SPATA13: variants seen among roughly 807,000 people sequenced by gnomAD.
SPATA13 encodes spermatogenesis-associated protein 13.
SPATA13 carries 50 observed loss-of-function variants against 104.0 expected under a neutral mutation model. That is an observed-to-expected ratio of 0.48 (90% CI 0.38 to 0.61). The LOEUF is 0.61. SPATA13 is among the 20% of genes least tolerant of loss of function. The pLI, the probability that SPATA13 is intolerant of heterozygous loss-of-function variation, is 0.00. For synonymous variants in SPATA13, 606 were observed against 667.5 expected (o/e 0.91, Z 1.42); for missense variants, 1,524 against 1,690.6 (o/e 0.90, Z 1.73).
At chr13:24,128,761 T>C (rs1881303054) in intron 3 of SPATA13, among the ~76,000 whole-genome samples, 1 of 151,674 alleles carries the variant, frequency 6.6e-6, no homozygotes, top group Admixed American at 6.6e-5. Context: ...ACTGCTTACT[T>C]CCCTTAAAAA....
chr13:24,176,879 T>G (rs963379770), intron 1 of SPATA13, among the ~76,000 whole-genome samples: 2 of 152,142 alleles, frequency 1.3e-5, no homozygotes, highest in Non-Finnish European at 2.9e-5. Flanking sequence ...TTCTTGTGCC[T>G]CAGCTTTCTG....
intron 3 of SPATA13, among the ~76,000 whole-genome samples, chr13:24,102,397 A>G (rs540332279): frequency 1.1e-4 from 16 of 151,564 alleles, no homozygotes; most frequent in Non-Finnish European, 1.6e-4. Flanking sequence ...CATCAAATAC[A>G]TGGTTTGCAA....
chr13:24,070,026 A>G (rs1879101399), intron 3 of SPATA13, among the ~76,000 whole-genome samples: 1 of 152,190 alleles, frequency 6.6e-6, no homozygotes, highest in Non-Finnish European at 1.5e-5. Flanking sequence ...GATAGAGGTA[A>G]GGCTAGGCAG....
At chr13:24,289,669 A>G (rs553564822) in intron 8 of SPATA13, among the ~76,000 whole-genome samples, 1 of 152,292 alleles carries the variant, frequency 6.6e-6, no homozygotes, top group South Asian at 2.1e-4. Flanking sequence ...GTGAAGGCAG[A>G]CCCGGGCATG....
intron 3 of SPATA13, among the ~76,000 whole-genome samples, chr13:24,098,861 AG>A (rs1880167106): frequency 6.9e-6 from 1 of 144,106 alleles, no homozygotes; most frequent in South Asian, 2.4e-4. Context: ...CAGGAGGTGG[AG>A]GTTGCAGTGA....
At chr13:24,081,928 G>A (rs576483329) in intron 3 of SPATA13, among the ~76,000 whole-genome samples, 1 of 152,292 alleles carries the variant, frequency 6.6e-6, no homozygotes, top group Admixed American at 6.5e-5. Context: ...TGCTCTCTGG[G>A]AGTCTATTCC....
At chr13:23,997,325 G>A (rs912699774) in intron 2 of SPATA13, among the ~76,000 whole-genome samples, 64 of 152,228 alleles carry the variant, frequency 4.2e-4, no homozygotes, top group African/African-American at 1.5e-3. Flanking sequence ...AGTAGAACAC[G>A]CATGTCCCCT....
chr13:24,045,656 C>T (rs1222504945), intron 3 of SPATA13, among the ~76,000 whole-genome samples: 3 of 152,172 alleles, frequency 2.0e-5, no homozygotes, highest in Non-Finnish European at 4.4e-5. Flanking sequence ...TCGAGAAGTT[C>T]AACGGAAGAA....
At chr13:24,131,579 C>G (rs977199701) in intron 3 of SPATA13, among the ~76,000 whole-genome samples, 4 of 152,198 alleles carry the variant, frequency 2.6e-5, no homozygotes, top group African/African-American at 9.6e-5. Flanking sequence ...ATTTACAAGA[C>G]ATTTCAGTGG....
intron 3 of SPATA13, among the ~76,000 whole-genome samples, chr13:24,028,354 G>A (rs1330002714): frequency 6.6e-6 from 1 of 152,184 alleles, no homozygotes; most frequent in African/African-American, 2.4e-5. Context: ...TTCATGTGCA[G>A]GTGTCTATAT....
intron 4 of SPATA13, among the ~76,000 whole-genome samples, chr13:24,258,481 A>G (rs540154974): frequency 1.5e-4 from 23 of 152,152 alleles, no homozygotes; most frequent in Non-Finnish European, 2.8e-4. Flanking sequence ...AGCCTGGCCA[A>G]CATGGCAAAA....
upstream of SPATA13, among the ~76,000 whole-genome samples, chr13:24,159,230 A>G (rs1227182560): frequency 2.6e-5 from 4 of 152,158 alleles, no homozygotes; most frequent in Admixed American, 2.6e-4. Context: ...ACAGTCAATG[A>G]TATTAGCCTC....
At chr13:23,980,290 C>T (rs1874821869) in intron 1 of SPATA13, among the ~76,000 whole-genome samples, 1 of 152,180 alleles carries the variant, frequency 6.6e-6, no homozygotes, top group Admixed American at 6.5e-5. Flanking sequence ...CTGGCGGTCG[C>T]GTTGCCATGG....
At chr13:24,068,899 C>T (rs1259410416) in intron 3 of SPATA13, among the ~76,000 whole-genome samples, 1 of 152,078 alleles carries the variant, frequency 6.6e-6, no homozygotes, top group African/African-American at 2.4e-5. Flanking sequence ...CTTATAGATG[C>T]TGGATATTAG....
At chr13:24,220,691 T>TGTG (rs1002135353) in intron 1 of SPATA13, among the ~76,000 whole-genome samples, 1 of 152,142 alleles carries the variant, frequency 6.6e-6, no homozygotes, top group Admixed American at 6.6e-5. Context: ...GCAGAGGGCG[T>TGTG]GTGGTAGCCC....
In SPATA13 at chr13:24,128,735, TAAAA is replaced by T. The variant is rs10555970; in HGVS notation, c.-111-94071_-111-94068del. Among the ~76,000 whole-genome samples the T allele has an allele frequency of 7.2e-3, 1,072 of 148,360 alleles. 13 individuals carry two copies. The highest frequency in any genetic ancestry group is 0.024 in the African/African-American group (980 of 40,362). On this transcript the variant is annotated intron_variant, in intron 3 of 14. Transcript: ENST00000424834. ...AACATAAAAAAAGTCCTACCTTATT[TAAAA>T]AAAAAAAAAAAACTGCTTACTTCCC...
At chr13:24,158,795 G>A (rs1281435249), upstream of SPATA13, among the ~76,000 whole-genome samples, 3 of 152,124 alleles carry the variant, frequency 2.0e-5, no homozygotes, top group South Asian at 4.1e-4. Context: ...CACTGTCACC[G>A]GCTCACTGAC....
At chr13:24,031,433 G>T (rs1566079070) in intron 3 of SPATA13, among the ~76,000 whole-genome samples, 4 of 152,320 alleles carry the variant, frequency 2.6e-5, no homozygotes, top group Admixed American at 1.3e-4. Context: ...TCGGTAACTT[G>T]TGTCCACTTT....
chr13:23,989,707 C>T lies in SPATA13; in HGVS notation c.-147+5774C>T, dbSNP rs536841120. ...TTATTCTCTACATTATTGCCATGGG[C>T]GGAAAGTTTGTGTCCCCCTAAAATT... On this transcript the variant is annotated intron_variant, in intron 2 of 14. Coordinates refer to the SPATA13 transcript ENST00000424834. Among the ~76,000 whole-genome samples the T allele has an allele frequency of 1.1e-4, 17 of 152,192 alleles. No individual in the cohort carries two copies. The East Asian group carries it at 1.5e-3, about 14-fold the overall frequency.
Sources: gnomAD v4.1 joint callset for allele counts (sites outside exome capture counted in the v4.1 genomes callset) on GRCh38, gnomAD v4.1.1 for gene constraint, MANE v1.5 for transcripts, NCBI Gene and HGNC (gene_info 2026-07-23, HGNC 2026-07-21) for gene names.